Variants in IFIH1 observed in about 807,000 individuals in gnomAD.
IFIH1 encodes interferon-induced helicase C domain-containing protein 1.
A neutral mutation model predicts 107.4 loss-of-function variants in IFIH1; 125 were observed. The ratio of observed to expected loss-of-function variants is 1.16; its 90% confidence interval spans 1.01 to 1.35. IFIH1 has a LOEUF of 1.35. IFIH1 is among the 40% of genes most tolerant of loss of function. The pLI is 0.00. For synonymous variants in IFIH1, 458 were observed against 413.2 expected, an observed-to-expected ratio of 1.11 and a Z score of -1.31; for missense variants, 1,333 against 1,213.7, an observed-to-expected ratio of 1.10 and a Z score of -1.46.
rs1682672229 is a variant in IFIH1, at chr2:162,276,671, A to G, written c.2304+16T>C. The G allele has an allele frequency of 2.5e-6, 4 of 1,585,218 alleles. No individual in the cohort carries two copies. The highest frequency in any genetic ancestry group is 3.4e-6 in the Non-Finnish European group (4 of 1,170,426). ...AGAAAGAAAAGAAAAGAAGTCGTCC[A>G]AAAGGATATTTATACCTGTGTCATG... On this transcript the variant is annotated intron_variant, in intron 11 of 15. Coordinates refer to ENST00000649979, the MANE Select transcript of IFIH1 (RefSeq NM_022168.4).
chr2:162,280,533 T>C (rs1417542412), intron 7 of IFIH1, among the ~76,000 whole-genome samples: 2 of 149,920 alleles, frequency 1.3e-5, no homozygotes, highest in African/African-American at 4.9e-5. Flanking sequence ...TTGACATCCG[T>C]GGATCATACT....
intron 3 of IFIH1, among the ~76,000 whole-genome samples, chr2:162,305,929 T>C (rs1683274061): frequency 6.6e-6 from 1 of 152,226 alleles, no homozygotes; most frequent in Admixed American, 6.5e-5. Flanking sequence ...TGTTGGAAGC[T>C]TGAAATAAGC....
chr2:162,276,588 G>T, intron 11 of IFIH1, 99 bp downstream of exon 11: 2 of 1,313,102 alleles, frequency 1.5e-6, no homozygotes, highest in Non-Finnish European at 2.1e-6. Context: ...CTGAGTGACA[G>T]AGCGAGGCCT....
intron 11 of IFIH1, 50 bp downstream of exon 11, chr2:162,276,637 G>T (rs779088659): frequency 5.2e-6 from 8 of 1,553,064 alleles, no homozygotes; most frequent in Non-Finnish European, 6.9e-6. Flanking sequence ...GAGAAGAGAA[G>T]AAGAAAAGAG....
intron 2 of IFIH1, chr2:162,310,039 C>T (rs1462699355): frequency 6.6e-6 from 1 of 152,212 alleles, no homozygotes. Flanking sequence ...CTATCAATTA[C>T]CCAGTTCCAA....
intron 8 of IFIH1, 42 bp downstream of exon 8, chr2:162,279,952 ATG>A (rs1682775803): frequency 1.0e-6 from 1 of 987,750 alleles, no homozygotes; most frequent in East Asian, 2.4e-5. Flanking sequence ...TTTCTACTGA[ATG>A]TAGTATTGTC....
rs1313710138 is a variant in IFIH1, at chr2:162,292,406, G to T, written c.874+1158C>A. Among the ~76,000 whole-genome samples, 44 of 151,824 alleles carry T rather than the reference G, an allele frequency of 2.9e-4. 1 individual carries two copies. Among genetic ancestry groups the T allele is most frequent in the Admixed American group, 2.8e-3 (43 of 15,210 alleles). On this transcript the variant is annotated intron_variant, in intron 4 of 15. Transcript: ENST00000649979. Reference sequence around the variant, plus strand: ...TTAAATGAAGATTAAAGTTGTGAATGACATTTGGTGAATTGGGTTTCCTCA... The same window carrying T: ...TTAAATGAAGATTAAAGTTGTGAATTACATTTGGTGAATTGGGTTTCCTCA...
intron 3 of IFIH1, among the ~76,000 whole-genome samples, chr2:162,301,278 C>T (rs1485104206): frequency 5.9e-5 from 9 of 152,124 alleles, no homozygotes; most frequent in African/African-American, 1.2e-4. Flanking sequence ...CACAGTCATG[C>T]GCACTGTATA....
At position 162,276,873 on chromosome 2, in the gene IFIH1, A is replaced by G. The variant is rs2105196753; in HGVS notation, c.2118T>C (p.Asn706=). The G allele has an allele frequency of 6.2e-7, 1 of 1,613,086 alleles. No homozygotes were observed. The highest frequency in any genetic ancestry group is 8.5e-7 in the Non-Finnish European group (1 of 1,179,570). Residue 706 remains asparagine, a synonymous_variant, in exon 11 of 16, where the codon AAT becomes AAC. Transcript: ENST00000649979. ...TCCTAGTATATTGCTCCATTATGGT[A>G]TTTCTTAATTTGGTCAGCTTTTCAT... The part of the protein sequence containing the change: ...YENEKLTKLR[N]TIMEQYTRTE...
At chr2:162,308,478 A>C (rs546972560) in intron 2 of IFIH1, among the ~76,000 whole-genome samples, 1 of 151,302 alleles carries the variant, frequency 6.6e-6, no homozygotes, top group South Asian at 2.1e-4. Flanking sequence ...CTCCTGGTTC[A>C]AGTGATTCTT....
chr2:162,272,145 G>A, intron 13 of IFIH1, 81 bp downstream of exon 13: 1 of 1,125,496 alleles, frequency 8.9e-7, no homozygotes, highest in South Asian at 1.3e-5. Flanking sequence ...TTTGTCTGGA[G>A]AATGAGTCAC....
intron 8 of IFIH1, among the ~76,000 whole-genome samples, chr2:162,278,549 CTGGAA>C (rs1468711731): frequency 1.3e-5 from 2 of 152,244 alleles, no homozygotes; most frequent in East Asian, 3.9e-4. Flanking sequence ...GTTACCTCTG[CTGGAA>C]TCTCCAACTT....
At position 162,282,436 on chromosome 2, in the gene IFIH1, A is replaced by G; in HGVS notation, c.1236T>C (p.Ser412=). The change falls in exon 6 of 16, where the codon AGT becomes AGC. Residue 412 remains serine (S), a synonymous_variant. Coordinates refer to ENST00000649979, the MANE Select transcript of IFIH1 (RefSeq NM_022168.4). ...GGGAGTTTTCAAGGATTTGAGCTGT[A>G]CTGATAATAATATCACAGGACTTGA... The part of the protein sequence containing the change: ...EVVKSCDIII[S]TAQILENSLL... 6.2e-7 allele frequency: 1 copy of G among 1,612,136 alleles called. No homozygotes were observed. Among genetic ancestry groups the G allele is most frequent in the South Asian group, 1.1e-5 (1 of 91,024 alleles).
At chr2:162,269,623 C>T (rs1405263200) in intron 13 of IFIH1, among the ~76,000 whole-genome samples, 1 of 152,080 alleles carries the variant, frequency 6.6e-6, no homozygotes, top group African/African-American at 2.4e-5. Flanking sequence ...AATAATTTAC[C>T]GCCAAACTGA....
At chr2:162,268,718 T>C (rs1220977316) in intron 13 of IFIH1, among the ~76,000 whole-genome samples, 1 of 152,140 alleles carries the variant, frequency 6.6e-6, no homozygotes, top group Admixed American at 6.5e-5. Flanking sequence ...GACTCCCAAG[T>C]AGCTGGGATT....
rs3051152 is a variant in IFIH1, at chr2:162,288,917, GCACACACACACA to G, written c.875-574_875-563del. Among the ~76,000 whole-genome samples, 127 of 135,454 alleles carry G rather than the reference GCACACACACACA, an allele frequency of 9.4e-4. 1 individual carries two copies. In the South Asian group the frequency reaches 0.022, roughly 24 times the overall value. The allele number at this position is 135,454 out of a possible 152,430, so 88.9% of individuals were successfully genotyped here. On this transcript the variant is annotated intron_variant, in intron 4 of 15. Coordinates refer to ENST00000649979, the MANE Select transcript of IFIH1 (RefSeq NM_022168.4). ...TTATCTGACAACCAAATACCAAAAA[GCACACACACACA>G]CACACACACACACACACACACACAC...
chr2:162,286,160 T>C (rs1682890364), intron 5 of IFIH1, among the ~76,000 whole-genome samples: 1 of 151,908 alleles, frequency 6.6e-6, no homozygotes, highest in Admixed American at 6.6e-5. Context: ...CCATGTTATA[T>C]GGAAAACAGT....
At chr2:162,271,632 A>G (rs1371967874) in intron 13 of IFIH1, among the ~76,000 whole-genome samples, 1 of 152,174 alleles carries the variant, frequency 6.6e-6, no homozygotes, top group African/African-American at 2.4e-5. Context: ...TTCAAAAACT[A>G]CTAAAAACAA....
At chr2:162,296,910 T>C (rs1683092569) in intron 3 of IFIH1, among the ~76,000 whole-genome samples, 2 of 152,148 alleles carry the variant, frequency 1.3e-5, no homozygotes, top group South Asian at 2.1e-4. Flanking sequence ...TGAAAGTGAA[T>C]ATATGGAGCT....
Sources: gnomAD v4.1 joint callset for allele counts (sites outside exome capture counted in the v4.1 genomes callset) on GRCh38, gnomAD v4.1.1 for gene constraint, MANE v1.5 for transcripts, NCBI Gene and HGNC (gene_info 2026-07-23, HGNC 2026-07-21) for gene names.